Variants in LMTK2 observed in about 807,000 individuals in gnomAD.
LMTK2 encodes serine/threonine-protein kinase LMTK2.
A neutral mutation model predicts 127.5 loss-of-function variants in LMTK2; 37 were observed. That is an observed-to-expected ratio of 0.29 (90% confidence interval 0.22 to 0.38). LMTK2 has a LOEUF of 0.38. LMTK2 is among the 10% of genes least tolerant of loss of function. The probability of loss-of-function intolerance (pLI) is 1.00; values close to 1 mark genes in which losing one functional copy is unlikely to be tolerated. For missense variants in LMTK2, 1,694 were observed against 1,920.3 expected, an observed-to-expected ratio of 0.88 and a Z score of 2.20; for synonymous variants, 819 against 810.1, an observed-to-expected ratio of 1.01 and a Z score of -0.19.
intron 4 of LMTK2, among the ~76,000 whole-genome samples, chr7:98,153,955 CTGT>C (rs746349278): frequency 1.3e-5 from 2 of 152,046 alleles, no homozygotes; most frequent in South Asian, 4.1e-4. Context: ...ACATTGAGTT[CTGT>C]TCTGGTTCTT....
chr7:98,111,242 TAG>T (rs1443552187), intron 1 of LMTK2, among the ~76,000 whole-genome samples: 2 of 152,240 alleles, frequency 1.3e-5, no homozygotes, highest in African/African-American at 2.4e-5. Context: ...CTTAAAAATT[TAG>T]AGTCCTTGGG....
intron 2 of LMTK2, among the ~76,000 whole-genome samples, chr7:98,138,430 G>A (rs971301868): frequency 2.6e-5 from 4 of 152,180 alleles, no homozygotes; most frequent in Admixed American, 2.6e-4. Context: ...CTGTTTTCTT[G>A]GGTCAGCACT....
intron 4 of LMTK2, among the ~76,000 whole-genome samples, chr7:98,153,604 G>A (rs1417638029): frequency 5.9e-5 from 9 of 152,180 alleles, no homozygotes. Flanking sequence ...GGACGCGGTA[G>A]CTCACGCCTG....
chr7:98,139,071 A>G (rs1796639154), intron 2 of LMTK2, among the ~76,000 whole-genome samples: 2 of 152,218 alleles, frequency 1.3e-5, no homozygotes, highest in Non-Finnish European at 2.9e-5. Flanking sequence ...ACTTGCCGAC[A>G]TTCATCCAGA....
chr7:98,175,676 A>G (rs1417896232), intron 7 of LMTK2, among the ~76,000 whole-genome samples: 2 of 152,276 alleles, frequency 1.3e-5, no homozygotes, highest in African/African-American at 4.8e-5. Context: ...TGCTGAAGGC[A>G]GGGATTGTAT....
intron 7 of LMTK2, among the ~76,000 whole-genome samples, chr7:98,182,105 A>G (rs906996195): frequency 6.6e-6 from 1 of 152,254 alleles, no homozygotes; most frequent in Non-Finnish European, 1.5e-5. Flanking sequence ...TTAACTCAAA[A>G]TGGATCAAAG....
chr7:98,189,559 T>C (rs1416954814), intron 9 of LMTK2, among the ~76,000 whole-genome samples: 1 of 152,120 alleles, frequency 6.6e-6, no homozygotes, highest in Non-Finnish European at 1.5e-5. Context: ...CCTAGCAGTG[T>C]GTGTGTTCAC....
At chr7:98,113,703 C>T (rs569811638) in intron 1 of LMTK2, among the ~76,000 whole-genome samples, 11 of 152,216 alleles carry the variant, frequency 7.2e-5, no homozygotes, top group African/African-American at 2.6e-4. Context: ...AAGACTGCTC[C>T]CTCTAGGGAT....
At position 98,107,219 on chromosome 7, in the gene LMTK2, G is replaced by T; in HGVS notation, c.42G>T (p.Leu14=). 1 of 1,465,008 alleles carries T rather than the reference G, an allele frequency of 6.8e-7. No homozygotes were observed. Among genetic ancestry groups the T allele is most frequent in the Non-Finnish European group, 9.0e-7 (1 of 1,116,206 alleles). 90.8% of individuals were successfully genotyped at this position (1,465,008 alleles called of 1,614,324 possible). A position where few individuals can be genotyped will look rare whatever the true frequency, so the allele number is the denominator to read the frequency against. The change falls in exon 1 of 14, where the codon CTG becomes CTT. Residue 14 remains leucine, a synonymous_variant. Transcript: ENST00000297293. ...PPALRRRLLL[L]LLVLLIAGSA... ...CGTTGCGGCGGAGGCTGCTGCTGCT[G>T]CTGCTGGTCCTCCTGATCGCCGGCA...
Position 98,171,563 on chromosome 7 carries a change from G to A in LMTK2, c.680G>A (p.Arg227His), listed in dbSNP as rs750767675. 21 of 1,613,900 alleles carry A rather than the reference G, an allele frequency of 1.3e-5. No homozygotes were observed. Among genetic ancestry groups the A allele is most frequent in the East Asian group, 2.2e-5 (1 of 44,890 alleles). ...CAGGGTGACCTGAAGGCGTATCTGC[G>A]CAGCGAGCAGGAGCACATGCGGGGG... ...CDLGDLKAYL[R>H]SEQEHMRGDS... The change falls in exon 7 of 14, where the codon CGC (arginine) becomes CAC (histidine). Residue 227 changes from arginine to histidine, a missense_variant. Arg to His is a conservative substitution (Grantham distance 29, BLOSUM62 0). This residue lies in a region of LMTK2 where 203 missense variants were observed against 226.2 expected (regional missense o/e 0.90). Transcript: ENST00000297293. This position sits in a 1 kb window ranked among gnomAD's most constrained non-coding sequence, Gnocchi z 5.1.
intron 1 of LMTK2, among the ~76,000 whole-genome samples, chr7:98,123,813 A>G (rs1037285911): frequency 1.7e-4 from 26 of 152,088 alleles, no homozygotes; most frequent in African/African-American, 4.3e-4. Context: ...TAAAGCTTCT[A>G]TCAGCAGATT....
At chr7:98,168,326 G>A (rs963743099) in intron 6 of LMTK2, among the ~76,000 whole-genome samples, 1 of 152,190 alleles carries the variant, frequency 6.6e-6, no homozygotes, top group Admixed American at 6.5e-5. Flanking sequence ...GCCAGTGGGC[G>A]GGGGGACCAG....
intron 5 of LMTK2, among the ~76,000 whole-genome samples, chr7:98,158,813 C>T (rs1457426112): frequency 6.6e-6 from 1 of 152,104 alleles, no homozygotes; most frequent in Non-Finnish European, 1.5e-5. Context: ...ACCAGTCTCC[C>T]GCAGGTACTA....
chr7:98,149,523 C>T (rs952669523), intron 3 of LMTK2, among the ~76,000 whole-genome samples: 12 of 152,188 alleles, frequency 7.9e-5, no homozygotes, highest in Non-Finnish European at 1.2e-4. Flanking sequence ...TCAGTTAATT[C>T]GATAGAGGTG....
rs771952253 is a variant in LMTK2 at position 98,171,979 on chromosome 7, G to A, written c.791+305G>A. Reference sequence around the variant, plus strand: ...CCCGATCCACCGTATGACACCTCGCGTGTTTCATCCTTGCCACACCAGCTT... The same window carrying A: ...CCCGATCCACCGTATGACACCTCGCATGTTTCATCCTTGCCACACCAGCTT... On this transcript the variant is annotated intron_variant, in intron 7 of 13. Coordinates refer to ENST00000297293, the MANE Select transcript of LMTK2 (RefSeq NM_014916.4). The surrounding 1 kb of genome is among the most constrained non-coding windows in gnomAD (Gnocchi z 5.1). 4.6e-5 allele frequency among the ~76,000 whole-genome samples: 7 copies of A among 152,186 alleles called. No homozygotes were observed. The highest frequency in any genetic ancestry group is 1.9e-4 in the East Asian group (1 of 5,192).
At chr7:98,137,235 A>G in intron 1 of LMTK2, 80 bp from the exon 2 acceptor site, 2 of 1,358,204 alleles carry the variant, frequency 1.5e-6, no homozygotes, top group Non-Finnish European at 2.0e-6. Context: ...ATTTGTATGT[A>G]GAGGAAAATA....
chr7:98,138,410 C>A (rs1796626547), intron 2 of LMTK2, among the ~76,000 whole-genome samples: 1 of 152,150 alleles, frequency 6.6e-6, no homozygotes, highest in Non-Finnish European at 1.5e-5. Context: ...TGAGGAGACA[C>A]ACAGATGTGC....
chr7:98,135,928 G>A (rs1796588585), intron 1 of LMTK2, among the ~76,000 whole-genome samples: 1 of 151,796 alleles, frequency 6.6e-6, no homozygotes, highest in Admixed American at 6.6e-5. Context: ...AGTCAGGGGA[G>A]GCCCCCCACG....
At chr7:98,204,729 G>T (rs1254624539) in intron 13 of LMTK2, among the ~76,000 whole-genome samples, 5 of 152,252 alleles carry the variant, frequency 3.3e-5, no homozygotes, top group Non-Finnish European at 7.3e-5. Context: ...CACCCTGTGG[G>T]GCCAGGCTGA....
Sources: gnomAD v4.1 joint callset for allele counts (sites outside exome capture counted in the v4.1 genomes callset) on GRCh38, gnomAD v4.1.1 for gene constraint, gnomAD v4.1.1 regional missense constraint, Gnocchi (gnomAD v3.1) non-coding constraint, MANE v1.5 for transcripts, NCBI Gene and HGNC (gene_info 2026-07-23, HGNC 2026-07-21) for gene names.